The following ASTN2 variants were observed in gnomAD, a reference collection of about 807,000 sequenced individuals.
ASTN2 encodes the protein astrotactin 2.
A neutral mutation model predicts 139.8 loss-of-function variants in ASTN2; 54 were observed. That is an observed-to-expected ratio of 0.39 (90% confidence interval 0.31 to 0.48). The LOEUF (loss-of-function observed/expected upper bound fraction) is 0.48, where lower values mean the gene tolerates loss of function less well. Among genes scored for constraint, ASTN2 ranks in the 20% least tolerant of loss-of-function variants. The pLI, the probability that ASTN2 is intolerant of heterozygous loss-of-function variation, is 0.95. For missense variants in ASTN2, 1,565 were observed against 1,725.1 expected (o/e 0.91, Z 1.64); for synonymous variants, 756 against 719.5 (o/e 1.05, Z -0.81).
At chr9:117,159,872 T>C (rs1467385712) in intron 3 of ASTN2, among the ~76,000 whole-genome samples, 3 of 152,046 alleles carry the variant, frequency 2.0e-5, no homozygotes, top group Non-Finnish European at 4.4e-5. Context: ...TATTCATCAA[T>C]GTGTTTGTGG....
intron 10 of ASTN2, among the ~76,000 whole-genome samples, chr9:116,876,701 T>C (rs917385453): frequency 1.3e-5 from 2 of 152,328 alleles, no homozygotes; most frequent in African/African-American, 4.8e-5. Context: ...AGCAAAATGA[T>C]TATGGCTCAC....
At position 117,214,554 on chromosome 9, in the gene ASTN2, C is replaced by T. The variant is rs1161704761; in HGVS notation, c.819G>A (p.Leu273=). ...QARESFRSSR[L]QTHNSVIGVP... The stretch of plus-strand genomic sequence containing the variant: ...CGCCAATGACGGAATTGTGGGTTTG[C>T]AGCCGGGATGAACGGAAGCTCTCCC... Residue 273 remains leucine, a synonymous_variant, in exon 3 of 23, where the codon CTG becomes CTA. Coordinates refer to ENST00000313400, the MANE Select transcript of ASTN2 (RefSeq NM_001365068.1). The T allele has an allele frequency of 6.2e-7, 1 of 1,612,548 alleles. No homozygotes were observed. The highest frequency in any genetic ancestry group is 1.1e-5 in the South Asian group (1 of 91,056).
intron 2 of ASTN2, among the ~76,000 whole-genome samples, chr9:117,266,061 C>T (rs562884741): frequency 2.0e-5 from 3 of 152,194 alleles, no homozygotes; most frequent in Non-Finnish European, 4.4e-5. Flanking sequence ...CTACCCAGAT[C>T]CCTAGGTTGT....
intron 10 of ASTN2, among the ~76,000 whole-genome samples, chr9:116,893,876 T>C (rs577454528): frequency 2.6e-5 from 4 of 152,292 alleles, no homozygotes; most frequent in South Asian, 4.1e-4. Context: ...GAGATCAGCC[T>C]TTGAAGCTTT....
chr9:116,782,621 C>G (rs184606574), intron 13 of ASTN2, among the ~76,000 whole-genome samples: 2 of 152,202 alleles, frequency 1.3e-5, no homozygotes, highest in South Asian at 4.1e-4. Context: ...GGAAAGAGAT[C>G]TGCATACTTG....
chr9:116,654,307 A>G (rs1011251225), intron 16 of ASTN2, among the ~76,000 whole-genome samples: 1 of 152,230 alleles, frequency 6.6e-6, no homozygotes, highest in African/African-American at 2.4e-5. Flanking sequence ...AGACTCTATA[A>G]TCACAAAGCC....
chr9:116,656,039 C>T (rs1342786187), intron 16 of ASTN2, among the ~76,000 whole-genome samples: 1 of 152,022 alleles, frequency 6.6e-6, no homozygotes, highest in Non-Finnish European at 1.5e-5. Context: ...ATTAAGTTTT[C>T]CTATTACAGA....
intron 1 of ASTN2, among the ~76,000 whole-genome samples, chr9:117,343,642 T>C (rs1015579070): frequency 8.5e-5 from 13 of 152,196 alleles, no homozygotes; most frequent in African/African-American, 3.1e-4. Flanking sequence ...TTGGAGAGAC[T>C]GAGTAACATG....
At chr9:117,214,323 C>G in intron 3 of ASTN2, 35 bp downstream of exon 3, 1 of 1,531,738 alleles carries the variant, frequency 6.5e-7, no homozygotes, top group South Asian at 1.3e-5. Context: ...TTCAAAATGC[C>G]CCCTGGAAAA....
chr9:117,240,131 A>AT (rs1833163687), intron 2 of ASTN2, among the ~76,000 whole-genome samples: 1 of 152,156 alleles, frequency 6.6e-6, no homozygotes, highest in Non-Finnish European at 1.5e-5. Context: ...TAAATACAGA[A>AT]GTTGAGATTG....
intron 2 of ASTN2, among the ~76,000 whole-genome samples, chr9:117,264,962 A>C (rs930773063): frequency 6.6e-6 from 1 of 152,200 alleles, no homozygotes; most frequent in African/African-American, 2.4e-5. Flanking sequence ...TTCCTCCTAT[A>C]AGTAAGAAAT....
Position 117,117,968 on chromosome 9 carries a change from C to T in ASTN2, c.1169-21817G>A, listed in dbSNP as rs561452976. Among the ~76,000 whole-genome samples the T allele has an allele frequency of 9.9e-5, 15 of 152,020 alleles. No individual in the cohort carries two copies. In the East Asian group the frequency reaches 2.3e-3, roughly 24 times the overall value. Reference sequence around the variant, plus strand: ...AGGGGAAACCCCTTTTGAAAATCACCGTTATATTAAAAAAATAAATAAATA... The same window carrying T: ...AGGGGAAACCCCTTTTGAAAATCACTGTTATATTAAAAAAATAAATAAATA... On this transcript the variant is annotated intron_variant, in intron 4 of 22. Coordinates refer to ENST00000313400, the MANE Select transcript of ASTN2 (RefSeq NM_001365068.1).
chr9:116,755,473 AAG>A (rs1416520702), intron 13 of ASTN2, among the ~76,000 whole-genome samples: 1 of 152,224 alleles, frequency 6.6e-6, no homozygotes, highest in African/African-American at 2.4e-5. Context: ...AGACAGAGGA[AAG>A]ACCAGGTGAT....
chr9:117,335,684 G>A (rs1412320914), intron 1 of ASTN2, among the ~76,000 whole-genome samples: 1 of 151,984 alleles, frequency 6.6e-6, no homozygotes, highest in African/African-American at 2.4e-5. Context: ...ACTGAATGAG[G>A]AACCCCTTAA....
In ASTN2 at chr9:117,328,724, C is replaced by G. The variant is rs1828602257; in HGVS notation, c.443-37211G>C. Among the ~76,000 whole-genome samples, 4 of 152,182 alleles carry G rather than the reference C, an allele frequency of 2.6e-5. No homozygotes were observed. In the South Asian group the frequency reaches 8.3e-4, roughly 31 times the overall value. ...TCACTCAGCCAGGCTAAAGCTGAAT[C>G]AGGACTAGAACATGGGGCCTTTCTC... On this transcript the variant is annotated intron_variant, in intron 1 of 22. Coordinates refer to ENST00000313400, the MANE Select transcript of ASTN2 (RefSeq NM_001365068.1).
intron 10 of ASTN2, among the ~76,000 whole-genome samples, chr9:116,925,488 T>C (rs1162922248): frequency 6.6e-6 from 1 of 152,192 alleles, no homozygotes; most frequent in Non-Finnish European, 1.5e-5. Context: ...CAGGCTCCTT[T>C]TCCAGTGCCT....
chr9:116,521,858 T>C (rs1235158817), intron 19 of ASTN2, among the ~76,000 whole-genome samples: 1 of 151,946 alleles, frequency 6.6e-6, no homozygotes, highest in African/African-American at 2.4e-5. Context: ...GTTAAGGACA[T>C]GAGTAGACAA....
intron 19 of ASTN2, among the ~76,000 whole-genome samples, chr9:116,530,143 ATATATAT>A (rs1564345823): frequency 4.8e-4 from 13 of 27,306 alleles, no homozygotes; most frequent in African/African-American, 1.0e-3. Context: ...ATATATATAT[ATATATAT>A]AAAATAGAAT....
At chr9:116,779,940 A>T (rs1830174923) in intron 13 of ASTN2, among the ~76,000 whole-genome samples, 1 of 152,168 alleles carries the variant, frequency 6.6e-6, no homozygotes, top group Non-Finnish European at 1.5e-5. Flanking sequence ...CACACTTATT[A>T]TCTACATATT....
Sources: allele counts gnomAD v4.1 joint callset (sites outside exome capture counted in the v4.1 genomes callset), GRCh38; gene constraint gnomAD v4.1.1; transcripts MANE v1.5; gene names NCBI Gene and HGNC (gene_info 2026-07-23, HGNC 2026-07-21).